Variants in DGKB observed in about 807,000 individuals in gnomAD.
The protein encoded by DGKB is diacylglycerol kinase beta.
In DGKB, 67 loss-of-function variants were observed where a neutral mutation model predicts 114.3. The ratio of observed to expected loss-of-function variants is 0.59; its 90% CI spans 0.48 to 0.72. DGKB has a LOEUF of 0.72. Among genes scored for constraint, DGKB ranks in the 30% least tolerant of loss-of-function variants. DGKB has a pLI of 0.00. For missense variants in DGKB, 907 were observed against 975.2 expected, an observed-to-expected ratio of 0.93 and a Z score of 0.93; for synonymous variants, 398 against 323.1, an observed-to-expected ratio of 1.23 and a Z score of -2.49.
At chr7:14,619,061 A>G (rs1807107989) in intron 15 of DGKB, among the ~76,000 whole-genome samples, 1 of 151,472 alleles carries the variant, frequency 6.6e-6, no homozygotes, top group Admixed American at 6.6e-5. Context: ...TTTCTCCAAA[A>G]CTATGTGGCT....
chr7:14,307,506 G>A (rs1459633494), intron 23 of DGKB, among the ~76,000 whole-genome samples: 1 of 152,148 alleles, frequency 6.6e-6, no homozygotes, highest in Non-Finnish European at 1.5e-5. Context: ...GTTCGCTGCT[G>A]TATATGCATA....
chr7:14,922,060 G>A (rs757784353), intron 1 of DGKB, among the ~76,000 whole-genome samples: 19 of 151,960 alleles, frequency 1.3e-4, no homozygotes, highest in Non-Finnish European at 1.8e-4. Context: ...TGATGACTTC[G>A]ACAAAGAGCG....
chr7:14,949,521 ACTAAGGAAAT>A (rs1304882432), intron 1 of DGKB, among the ~76,000 whole-genome samples: 7 of 151,998 alleles, frequency 4.6e-5, no homozygotes, highest in Admixed American at 3.3e-4. Context: ...GTGGTATCTC[ACTAAGGAAAT>A]CAATATATGT....
chr7:14,598,903 A>C (rs1187528589), intron 17 of DGKB, among the ~76,000 whole-genome samples: 27 of 152,162 alleles, frequency 1.8e-4, no homozygotes, highest in Admixed American at 1.8e-3. Flanking sequence ...TGATTGGTAT[A>C]TTTGTGACCC....
intron 13 of DGKB, among the ~76,000 whole-genome samples, chr7:14,660,991 G>A (rs1256157602): frequency 6.7e-6 from 1 of 148,290 alleles, no homozygotes; most frequent in African/African-American, 2.5e-5. Context: ...TGGGAAAACT[G>A]GCTAGCCATA....
intron 2 of DGKB, among the ~76,000 whole-genome samples, chr7:14,768,937 A>T (rs1836865766): frequency 6.6e-6 from 1 of 151,998 alleles, no homozygotes; most frequent in African/African-American, 2.4e-5. Context: ...AAATTAAAAA[A>T]TACCTGTTCA....
At chr7:14,905,246 T>TTG (rs1562864956), upstream of DGKB, among the ~76,000 whole-genome samples, 2 of 60,260 alleles carry the variant, frequency 3.3e-5, no homozygotes. Context: ...TCTTGTTAGT[T>TTG]TTTTTTTTTT....
intron 21 of DGKB, among the ~76,000 whole-genome samples, chr7:14,474,355 A>G (rs897914345): frequency 3.3e-5 from 5 of 152,132 alleles, no homozygotes; most frequent in African/African-American, 1.2e-4. Context: ...CATGATTGTG[A>G]GGCCTTCTCA....
chr7:14,432,644 A>C (rs776304804), intron 21 of DGKB, among the ~76,000 whole-genome samples: 4 of 152,202 alleles, frequency 2.6e-5, no homozygotes, highest in Non-Finnish European at 4.4e-5. Context: ...ATAGACAGGA[A>C]TTGATCTCTA....
intron 13 of DGKB, among the ~76,000 whole-genome samples, chr7:14,666,621 A>T (rs1318165690): frequency 1.3e-5 from 2 of 152,034 alleles, no homozygotes; most frequent in Admixed American, 6.6e-5. Context: ...TAAGCAGCTT[A>T]TCATGAGTCT....
At chr7:14,875,854 C>A (rs1236579287) in intron 1 of DGKB, among the ~76,000 whole-genome samples, 1 of 151,772 alleles carries the variant, frequency 6.6e-6, no homozygotes, top group Non-Finnish European at 1.5e-5. Context: ...CATCAGCTGT[C>A]ATTAGTGTTA....
intron 2 of DGKB, among the ~76,000 whole-genome samples, chr7:14,822,041 A>C (rs1002973012): frequency 6.6e-6 from 1 of 152,196 alleles, no homozygotes; most frequent in Admixed American, 6.5e-5. Context: ...CACAAATTAA[A>C]AATGCAATAG....
chr7:14,304,081 A>ACTCT (rs1236949607), intron 23 of DGKB, among the ~76,000 whole-genome samples: 2 of 88,600 alleles, frequency 2.3e-5, no homozygotes, highest in Admixed American at 1.1e-4. Flanking sequence ...ACACACACAC[A>ACTCT]CACACACTCT....
intron 23 of DGKB, among the ~76,000 whole-genome samples, chr7:14,230,825 T>TCTCCATATTTACTA (rs1791606027): frequency 6.6e-6 from 1 of 152,028 alleles, no homozygotes; most frequent in East Asian, 1.9e-4. Context: ...AAAGCTACCC[T>TCTCCATATTTACTA]CTCCATATTT....
chr7:14,317,557 A>G (rs1449020722), intron 23 of DGKB, among the ~76,000 whole-genome samples: 3 of 151,214 alleles, frequency 2.0e-5, no homozygotes, highest in Non-Finnish European at 4.4e-5. Flanking sequence ...AGAATAAAAG[A>G]CCTAGGAATC....
Position 14,769,278 on chromosome 7 carries a change from G to GAAAGAA in DGKB, c.71-11548_71-11547insTTCTTT, listed in dbSNP as rs1554265920. Among the ~76,000 whole-genome samples, 482 of 77,174 alleles carry GAAAGAA rather than the reference G, an allele frequency of 6.2e-3. 14 individuals carry two copies. The highest frequency in any genetic ancestry group is 0.04 in the Middle Eastern group (7 of 174). 50.6% of individuals were successfully genotyped at this position (77,174 alleles called of 152,430 possible). A position where few individuals can be genotyped will look rare whatever the true frequency, so the allele number is the denominator to read the frequency against. On this transcript the variant is annotated intron_variant, in intron 2 of 25. Coordinates refer to ENST00000402815, the MANE Select transcript of DGKB (RefSeq NM_001350709.2). Reference sequence around the variant, plus strand: ...AGAAAGAAAGAAAGAAAGAAAGAAAGAAAGATTTTGTAAAGGAGTTTAGTT... The same window carrying GAAAGAA: ...AGAAAGAAAGAAAGAAAGAAAGAAAGAAAGAAAAAGATTTTGTAAAGGAGTTTAGTT...
At chr7:14,862,567 C>T (rs973012695) in intron 1 of DGKB, among the ~76,000 whole-genome samples, 5 of 151,876 alleles carry the variant, frequency 3.3e-5, no homozygotes, top group African/African-American at 2.4e-5. Flanking sequence ...AAAGTCACAC[C>T]GTTAATAAGC....
chr7:14,778,205 T>C lies in DGKB; in HGVS notation c.71-20474A>G, dbSNP rs534680079. Among the ~76,000 whole-genome samples, 3 of 152,320 alleles carry C rather than the reference T, an allele frequency of 2.0e-5. No individual in the cohort carries two copies. The South Asian group carries it at 6.2e-4, about 32-fold the overall frequency. ...TTCAGAGTTAAAAGACCTGTGCAAGTGGGGCAAATACATTCCTTGGAACTT... is the reference window on the plus strand; with the variant it reads ...TTCAGAGTTAAAAGACCTGTGCAAGCGGGGCAAATACATTCCTTGGAACTT... On this transcript the variant is annotated intron_variant, in intron 2 of 25. Transcript: ENST00000402815.
intron 20 of DGKB, among the ~76,000 whole-genome samples, chr7:14,524,876 T>A (rs1291465454): frequency 1.3e-5 from 2 of 152,064 alleles, no homozygotes; most frequent in Admixed American, 1.3e-4. Flanking sequence ...TCATATATCA[T>A]GTATAATGAA....
Sources: gnomAD v4.1 joint callset for allele counts (sites outside exome capture counted in the v4.1 genomes callset) on GRCh38, gnomAD v4.1.1 for gene constraint, MANE v1.5 for transcripts, NCBI Gene and HGNC (gene_info 2026-07-23, HGNC 2026-07-21) for gene names.